Variants in CDH2 observed in about 807,000 individuals in gnomAD.
The protein encoded by CDH2 is cadherin 2, also known as cadherin-2.
CDH2 carries 17 observed loss-of-function variants against 92.0 expected under a neutral mutation model. The observed-to-expected ratio is 0.18, with a 90% CI of 0.13 to 0.28. The LOEUF (loss-of-function observed/expected upper bound fraction) is 0.28. CDH2 is among the 10% of genes least tolerant of loss of function. CDH2 has a pLI of 1.00. For missense variants in CDH2, 862 were observed against 1,133.1 expected (o/e 0.76, Z 3.44); for synonymous variants, 419 against 415.9 (o/e 1.01, Z -0.09).
intron 4 of CDH2, 101 bp from the exon 5 acceptor site, chr18:28,009,973 T>TTTTC: frequency 1.2e-6 from 1 of 834,326 alleles, no homozygotes; most frequent in Non-Finnish European, 1.7e-6. Flanking sequence ...GCTACAAACT[T>TTTTC]ATACCATCTC....
chr18:27,934,644 T>C (rs1908977158), intron 6 of CDH2, among the ~76,000 whole-genome samples: 3 of 152,270 alleles, frequency 2.0e-5, no homozygotes, highest in Non-Finnish European at 4.4e-5. Flanking sequence ...TAACATACAA[T>C]GAAATAGTCA....
chr18:28,043,103 G>A (rs985824814), intron 2 of CDH2, among the ~76,000 whole-genome samples: 5 of 152,018 alleles, frequency 3.3e-5, no homozygotes, highest in African/African-American at 9.7e-5. Flanking sequence ...ATACACCATG[G>A]AATACTACTC....
intron 2 of CDH2, among the ~76,000 whole-genome samples, chr18:28,135,908 C>A (rs1342506921): frequency 6.6e-6 from 1 of 152,150 alleles, no homozygotes; most frequent in Non-Finnish European, 1.5e-5. Flanking sequence ...TATTTTTCCA[C>A]TACCACAACT....
chr18:28,015,997 T>C (rs913113514), intron 2 of CDH2, among the ~76,000 whole-genome samples: 1 of 152,160 alleles, frequency 6.6e-6, no homozygotes, highest in Non-Finnish European at 1.5e-5. Flanking sequence ...GCTCAAATTC[T>C]TATCTGGGAC....
chr18:28,011,683 TGAG>T lies in CDH2; in HGVS notation c.546+160_546+162del, dbSNP rs3217521. ...ATAATCCAAAAGGTAACAAAGAAAA[TGAG>T]AAGAGGCTTTCTACAACACTACAGA... On this transcript the variant is annotated intron_variant, in intron 4 of 15. Coordinates refer to ENST00000269141, the MANE Select transcript of CDH2 (RefSeq NM_001792.5). Among the ~76,000 whole-genome samples, 20 of 152,238 alleles carry T rather than the reference TGAG, an allele frequency of 1.3e-4. No homozygotes were observed. The East Asian group carries it at 3.9e-3, about 29-fold the overall frequency.
chr18:28,142,328 A>G (rs982651500), intron 2 of CDH2, among the ~76,000 whole-genome samples: 2 of 151,986 alleles, frequency 1.3e-5, no homozygotes, highest in African/African-American at 4.8e-5. Flanking sequence ...GGCTATGAAG[A>G]ACTACAAAAG....
At chr18:28,132,055 CAGT>C (rs915169393) in intron 2 of CDH2, among the ~76,000 whole-genome samples, 2 of 152,134 alleles carry the variant, frequency 1.3e-5, no homozygotes, top group Non-Finnish European at 2.9e-5. Context: ...AAAAGCACAG[CAGT>C]ATGGACCCCT....
At position 28,149,055 on chromosome 18, in the gene CDH2, G is replaced by A. The variant is rs1315866111; in HGVS notation, c.61-1271C>T. The stretch of plus-strand genomic sequence containing the variant: ...TTAAGTCTGTTATGTGCAAGAAAGG[G>A]CTGTATCAAGTGAAGAATAAAGAAG... On this transcript the variant is annotated intron_variant, in intron 1 of 15. Transcript: ENST00000269141. Among the ~76,000 whole-genome samples the A allele has an allele frequency of 2.0e-5, 3 of 152,288 alleles. No homozygotes were observed. The East Asian group carries it at 5.8e-4, about 29-fold the overall frequency.
At chr18:27,944,475 A>C (rs1909219157) in intron 6 of CDH2, among the ~76,000 whole-genome samples, 1 of 152,152 alleles carries the variant, frequency 6.6e-6, no homozygotes, top group South Asian at 2.1e-4. Flanking sequence ...TGATTAAATG[A>C]ATCTAATATA....
chr18:27,990,573 G>A (rs2012385101), intron 9 of CDH2, among the ~76,000 whole-genome samples: 1 of 152,106 alleles, frequency 6.6e-6, no homozygotes, highest in Admixed American at 6.5e-5. Context: ...AAAGATTTAT[G>A]TTCACAAAAC....
At chr18:28,042,439 T>C (rs541494905) in intron 2 of CDH2, among the ~76,000 whole-genome samples, 28 of 152,298 alleles carry the variant, frequency 1.8e-4, no homozygotes, top group African/African-American at 6.5e-4. Flanking sequence ...GGTCTTGGTA[T>C]TATACTCCCA....
intron 2 of CDH2, among the ~76,000 whole-genome samples, chr18:28,138,487 T>C (rs992959893): frequency 3.3e-5 from 5 of 152,118 alleles, no homozygotes; most frequent in African/African-American, 9.7e-5. Context: ...AGCTCAGTTG[T>C]GGAGGGAACC....
intron 15 of CDH2, among the ~76,000 whole-genome samples, chr18:27,963,032 A>G (rs2011447899): frequency 6.6e-6 from 1 of 152,202 alleles, no homozygotes; most frequent in Non-Finnish European, 1.5e-5. Context: ...ATTAGAATGC[A>G]CTATAATATT....
At chr18:28,140,993 G>T (rs2015944390) in intron 2 of CDH2, among the ~76,000 whole-genome samples, 1 of 151,006 alleles carries the variant, frequency 6.6e-6, no homozygotes, top group Non-Finnish European at 1.5e-5. Flanking sequence ...ACACCTACTA[G>T]GATACAATCA....
At position 27,988,630 on chromosome 18, in the gene CDH2, T is replaced by G. The variant is rs202132709; in HGVS notation, c.1635A>C (p.Lys545Asn). The change falls in exon 11 of 16, where the codon AAA becomes AAC. Residue 545 changes from lysine to asparagine, a missense_variant. Around this residue, in one of 5 missense-constraint regions of CDH2, gnomAD observed 564 missense variants for 722.2 expected, o/e 0.78. Coordinates refer to ENST00000269141, the MANE Select transcript of CDH2 (RefSeq NM_001792.5). ...TKLSDPANWL[K>N]IDPVNGQITT... ...TTATTTGTCCATTCACAGGATCTAT[T>G]TTTAGCCAATTGGCAGGATCAGATA... 7.5e-6 allele frequency: 12 copies of G among 1,607,728 alleles called. No homozygotes were observed. The East Asian group carries it at 2.7e-4, about 36-fold the overall frequency.
intron 2 of CDH2, among the ~76,000 whole-genome samples, chr18:28,116,541 A>C (rs2144263744): frequency 6.6e-6 from 1 of 152,324 alleles, no homozygotes; most frequent in South Asian, 2.1e-4. Context: ...GAAGTCAGTT[A>C]TCACTGCAAG....
chr18:28,151,319 G>A (rs1043433206), intron 1 of CDH2, among the ~76,000 whole-genome samples: 7 of 152,180 alleles, frequency 4.6e-5, no homozygotes, highest in African/African-American at 1.4e-4. Flanking sequence ...AACTGCGAGG[G>A]GGTGCTACTG....
chr18:28,030,106 C>A (rs2013655261), intron 2 of CDH2, among the ~76,000 whole-genome samples: 1 of 152,026 alleles, frequency 6.6e-6, no homozygotes, highest in African/African-American at 2.4e-5. Context: ...GCAGACTAGT[C>A]TGAATTACAT....
chr18:28,130,650 G>A (rs1419375811), intron 2 of CDH2, among the ~76,000 whole-genome samples: 1 of 152,184 alleles, frequency 6.6e-6, no homozygotes, highest in Admixed American at 6.5e-5. Context: ...TGGCTGCTGA[G>A]CAGGCCTCTT....
Sources: allele counts gnomAD v4.1 joint callset (sites outside exome capture counted in the v4.1 genomes callset), GRCh38; gene constraint gnomAD v4.1.1; regional missense constraint gnomAD v4.1.1; transcripts MANE v1.5; gene names NCBI Gene and HGNC (gene_info 2026-07-23, HGNC 2026-07-21).